The following UBR3 variants were observed in gnomAD, a reference collection of about 807,000 sequenced individuals.
UBR3 encodes ubiquitin protein ligase E3 component n-recognin 3.
Under a neutral mutation model 243.2 loss-of-function variants are expected in UBR3, and 85 were observed. That is an observed-to-expected ratio of 0.35 (90% CI 0.29 to 0.42). The LOEUF is 0.42. Among genes scored for constraint, UBR3 ranks in the 10% least tolerant of loss-of-function variants. The probability of loss-of-function intolerance (pLI) is 1.00; values close to 1 mark genes in which losing one functional copy is unlikely to be tolerated. For synonymous variants in UBR3, 748 were observed against 799.8 expected (o/e 0.94, Z 1.09); for missense variants, 1,686 against 2,300.8 (o/e 0.73, Z 5.47).
At chr2:170,032,690 A>T (rs2105424952) in intron 31 of UBR3, among the ~76,000 whole-genome samples, 1 of 143,340 alleles carries the variant, frequency 7.0e-6, no homozygotes, top group East Asian at 2.1e-4. Context: ...TTCAGGTTAT[A>T]ACCTTTTGGC....
At chr2:169,837,845 T>C (rs1009407744) in intron 1 of UBR3, among the ~76,000 whole-genome samples, 1 of 152,204 alleles carries the variant, frequency 6.6e-6, no homozygotes, top group African/African-American at 2.4e-5. Context: ...TTTATCTTTT[T>C]CAATATGAGG....
At chr2:170,055,431 A>G in intron 32 of UBR3, 29 bp from the exon 33 acceptor site, 1 of 1,604,562 alleles carries the variant, frequency 6.2e-7, no homozygotes, top group South Asian at 1.1e-5. Flanking sequence ...CTAGATTCCA[A>G]AGAAATAATG....
chr2:169,835,764 T>C (rs2082064505), intron 1 of UBR3, among the ~76,000 whole-genome samples: 1 of 151,986 alleles, frequency 6.6e-6, no homozygotes, highest in South Asian at 2.1e-4. Flanking sequence ...ATTATAAAAC[T>C]CAGTTAAAAC....
chr2:169,968,367 G>C (rs2087924605), intron 24 of UBR3, among the ~76,000 whole-genome samples: 4 of 152,034 alleles, frequency 2.6e-5, no homozygotes, highest in African/African-American at 9.7e-5. Context: ...ACCCTTCCCA[G>C]CGTCTGGTAA....
intron 31 of UBR3, among the ~76,000 whole-genome samples, chr2:170,032,501 G>A (rs1489661546): frequency 1.3e-5 from 2 of 149,524 alleles, no homozygotes; most frequent in Admixed American, 1.3e-4. Context: ...GATTATGCTT[G>A]CGTTTAGTTG....
chr2:169,921,686 T>C (rs1204958977), intron 11 of UBR3, among the ~76,000 whole-genome samples: 1 of 152,128 alleles, frequency 6.6e-6, no homozygotes, highest in East Asian at 1.9e-4. Context: ...AGCTGGGTGG[T>C]AGAACCAGGA....
intron 8 of UBR3, among the ~76,000 whole-genome samples, chr2:169,901,218 A>G (rs771440729): frequency 4.5e-4 from 68 of 152,282 alleles, no homozygotes; most frequent in Non-Finnish European, 4.7e-4. Flanking sequence ...TGCTTTTTAC[A>G]TATGCTTCTA....
chr2:170,004,222 A>G (rs1370657128), intron 27 of UBR3, among the ~76,000 whole-genome samples: 1 of 152,194 alleles, frequency 6.6e-6, no homozygotes, highest in East Asian at 1.9e-4. Flanking sequence ...AATGGAGAGG[A>G]GAATATAGAT....
chr2:169,829,674 G>C (rs199629514), intron 1 of UBR3, among the ~76,000 whole-genome samples: 1 of 152,022 alleles, frequency 6.6e-6, no homozygotes, highest in Non-Finnish European at 1.5e-5. Context: ...ATCCGCCCGC[G>C]TCGGCCTCCC....
chr2:170,002,481 C>T lies in UBR3; in HGVS notation c.4029+1067C>T, dbSNP rs556047619. On this transcript the variant is annotated intron_variant, in intron 27 of 38. Coordinates refer to ENST00000272793, the MANE Select transcript of UBR3 (RefSeq NM_172070.4). Reference sequence around the variant, plus strand: ...GTCTCTTCCTTTGTCATTAAGAAAACAGCGTCTGTTGTCACATTCCCTTAG... The same window carrying T: ...GTCTCTTCCTTTGTCATTAAGAAAATAGCGTCTGTTGTCACATTCCCTTAG... Among the ~76,000 whole-genome samples, 28 of 152,310 alleles carry T rather than the reference C, an allele frequency of 1.8e-4. No homozygotes were observed. In the East Asian group the frequency reaches 4.1e-3, roughly 22 times the overall value.
chr2:169,965,803 A>G (rs950246385), intron 24 of UBR3, among the ~76,000 whole-genome samples: 10 of 152,154 alleles, frequency 6.6e-5, no homozygotes, highest in African/African-American at 2.2e-4. Flanking sequence ...TTTTCTGACC[A>G]TGGTTGACCA....
chr2:169,955,793 C>CAA (rs56238118), intron 23 of UBR3, among the ~76,000 whole-genome samples: 1 of 78,510 alleles, frequency 1.3e-5, no homozygotes, highest in African/African-American at 4.8e-5. Context: ...GACTCCATCT[C>CAA]AAAAAAAAAA....
intron 24 of UBR3, among the ~76,000 whole-genome samples, chr2:169,978,120 C>G (rs1199484405): frequency 6.6e-6 from 1 of 152,152 alleles, no homozygotes; most frequent in African/African-American, 2.4e-5. Context: ...GTGGTAGCAG[C>G]AGTGGTGACA....
intron 1 of UBR3, among the ~76,000 whole-genome samples, chr2:169,846,659 G>A (rs184794383): frequency 8.0e-5 from 12 of 150,672 alleles, no homozygotes; most frequent in Admixed American, 6.6e-4. Flanking sequence ...GCAGTGAGCC[G>A]AGATGGCACC....
chr2:169,891,491 G>A (rs2084373230), intron 6 of UBR3, among the ~76,000 whole-genome samples: 1 of 152,038 alleles, frequency 6.6e-6, no homozygotes, highest in African/African-American at 2.4e-5. Context: ...TTGATTGACT[G>A]ATTTGGCTCC....
At chr2:170,071,623 G>A (rs2091699680) in intron 35 of UBR3, among the ~76,000 whole-genome samples, 1 of 152,128 alleles carries the variant, frequency 6.6e-6, no homozygotes, top group Non-Finnish European at 1.5e-5. Context: ...GCTCAGTAAA[G>A]TTTTTTAAAA....
In UBR3 at chr2:169,926,912, C is replaced by G; in HGVS notation, c.2279C>G (p.Ser760Trp). The change falls in exon 16 of 39, where the codon TCG becomes TGG. Residue 760 changes from serine to tryptophan, a missense_variant. Physicochemically the swap from Ser to Trp is radical, Grantham distance 177. Around this residue, in one of 8 missense-constraint regions of UBR3, gnomAD observed 346 missense variants for 585.8 expected, o/e 0.59. Transcript: ENST00000272793. ...GTACTTGATGCAGAGCATGAGAGGT[C>G]GATGTTAGAAGGCGCTCTTACATTT... ...NTVLDAEHER[S>W]MLEGALTFLV... 4 of 1,551,134 alleles carry G rather than the reference C, an allele frequency of 2.6e-6. No individual in the cohort carries two copies. The highest frequency in any genetic ancestry group is 3.5e-6 in the Non-Finnish European group (4 of 1,146,612).
chr2:169,938,686 T>C (rs1014612740), intron 19 of UBR3, among the ~76,000 whole-genome samples: 2 of 152,230 alleles, frequency 1.3e-5, no homozygotes, highest in Non-Finnish European at 2.9e-5. Flanking sequence ...GTTTGTTGCC[T>C]AAATTAATTT....
chr2:170,036,212 A>G (rs1364715881), intron 31 of UBR3, among the ~76,000 whole-genome samples: 1 of 152,112 alleles, frequency 6.6e-6, no homozygotes, highest in African/African-American at 2.4e-5. Context: ...GATGTTGAAA[A>G]GAAGTGGGGA....
Sources: allele counts gnomAD v4.1 joint callset (sites outside exome capture counted in the v4.1 genomes callset), GRCh38; gene constraint gnomAD v4.1.1; regional missense constraint gnomAD v4.1.1; transcripts MANE v1.5; gene names NCBI Gene and HGNC (gene_info 2026-07-23, HGNC 2026-07-21).